The following NRG3 variants were observed in gnomAD, a reference collection of about 807,000 sequenced individuals.
NRG3 encodes pro-neuregulin-3, membrane-bound isoform.
NRG3 carries 31 observed loss-of-function variants against 66.9 expected under a neutral mutation model. The observed-to-expected ratio is 0.46, with a 90% CI of 0.35 to 0.63. NRG3 has a LOEUF of 0.63. Among genes scored for constraint, NRG3 ranks in the 20% least tolerant of loss-of-function variants. NRG3 has a pLI of 0.00. For missense variants in NRG3, 910 were observed against 878.9 expected, an observed-to-expected ratio of 1.04 and a Z score of -0.45; for synonymous variants, 393 against 359.4, an observed-to-expected ratio of 1.09 and a Z score of -1.06.
intron 2 of NRG3, among the ~76,000 whole-genome samples, chr10:82,564,538 G>A (rs1359856963): frequency 1.3e-5 from 2 of 152,066 alleles, no homozygotes; most frequent in African/African-American, 4.8e-5. Context: ...ATATGTGGTT[G>A]GGATAAAGTT....
intron 2 of NRG3, among the ~76,000 whole-genome samples, chr10:82,460,383 C>G (rs1287827288): frequency 6.6e-6 from 1 of 152,164 alleles, no homozygotes; most frequent in Non-Finnish European, 1.5e-5. Context: ...TTATGACTTA[C>G]AAATCATGTC....
In NRG3 at chr10:82,733,702, G is replaced by A. The variant is rs11195756; in HGVS notation, c.954-4875G>A. 3.1e-3 allele frequency among the ~76,000 whole-genome samples: 471 copies of A among 152,322 alleles called. 2 individuals carry two copies. Among genetic ancestry groups the A allele is most frequent in the African/African-American group, 0.011 (445 of 41,582 alleles). On this transcript the variant is annotated intron_variant, in intron 2 of 8. Transcript: ENST00000372141. Reference sequence around the variant, plus strand: ...CAGTTCTCTCAATAGAACCATGTTAGTGTTGCTTGTTTTTGTATCTGTCTT... The same window carrying A: ...CAGTTCTCTCAATAGAACCATGTTAATGTTGCTTGTTTTTGTATCTGTCTT...
intron 1 of NRG3, among the ~76,000 whole-genome samples, chr10:82,096,619 AGAC>A (rs2066365333): frequency 6.6e-6 from 1 of 152,222 alleles, no homozygotes. Context: ...AAAATATTGA[AGAC>A]TAAGATAATA....
intron 1 of NRG3, among the ~76,000 whole-genome samples, chr10:82,278,561 A>G (rs755646652): frequency 2.6e-5 from 4 of 152,112 alleles, no homozygotes; most frequent in Non-Finnish European, 4.4e-5. Context: ...GGTTCGTGCA[A>G]ACAGAATTGA....
At chr10:82,368,528 C>T (rs1471250555) in intron 2 of NRG3, among the ~76,000 whole-genome samples, 1 of 137,420 alleles carries the variant, frequency 7.3e-6, no homozygotes, top group Non-Finnish European at 1.5e-5. Context: ...ATGGGAAAAA[C>T]ACTCCTTACC....
chr10:82,288,465 C>T (rs1298658881), intron 1 of NRG3, among the ~76,000 whole-genome samples: 1 of 152,100 alleles, frequency 6.6e-6, no homozygotes, highest in Non-Finnish European at 1.5e-5. Context: ...CACTGAGGCT[C>T]AGGCAGTAGG....
At chr10:82,934,231 T>C (rs1022003898) in intron 4 of NRG3, among the ~76,000 whole-genome samples, 2 of 152,232 alleles carry the variant, frequency 1.3e-5, no homozygotes, top group African/African-American at 2.4e-5. Flanking sequence ...CTGGGTACAA[T>C]TGCTGTCACA....
chr10:82,207,886 A>T (rs2075202864), intron 1 of NRG3, among the ~76,000 whole-genome samples: 1 of 152,042 alleles, frequency 6.6e-6, no homozygotes, highest in Non-Finnish European at 1.5e-5. Flanking sequence ...GACAGTGGGG[A>T]TTATGGGGAT....
At chr10:82,368,302 CAG>C (rs1415277073) in intron 2 of NRG3, among the ~76,000 whole-genome samples, 1 of 138,196 alleles carries the variant, frequency 7.2e-6, no homozygotes, top group Admixed American at 6.8e-5. Flanking sequence ...GAGTCTTGTG[CAG>C]AGAGTTCAAT....
At chr10:82,630,749 T>C (rs532028468) in intron 2 of NRG3, among the ~76,000 whole-genome samples, 45 of 152,304 alleles carry the variant, frequency 3.0e-4, no homozygotes, top group African/African-American at 1.1e-3. Context: ...ATCTAGACTA[T>C]TTCTCTTGGT....
In NRG3 at chr10:82,806,741, T is replaced by C. The variant is rs557557488; in HGVS notation, c.1028-58670T>C. 2.0e-4 allele frequency among the ~76,000 whole-genome samples: 30 copies of C among 152,294 alleles called. No individual in the cohort carries two copies. In the South Asian group the frequency reaches 6.0e-3, roughly 30 times the overall value. ...AACCAGATACGTAGAGAAGATGATGTAGATGACAGTCTGATGGGGGTACTG... is the reference window on the plus strand; with the variant it reads ...AACCAGATACGTAGAGAAGATGATGCAGATGACAGTCTGATGGGGGTACTG... On this transcript the variant is annotated intron_variant, in intron 3 of 8. Transcript: ENST00000372141.
intron 1 of NRG3, among the ~76,000 whole-genome samples, chr10:82,279,246 TCC>T (rs1218806113): frequency 3.3e-5 from 5 of 152,164 alleles, no homozygotes; most frequent in Non-Finnish European, 7.3e-5. Flanking sequence ...GAGGGAAGTA[TCC>T]CCTGGCCTTG....
chr10:82,533,785 G>A (rs1236940935), intron 2 of NRG3, among the ~76,000 whole-genome samples: 3 of 152,110 alleles, frequency 2.0e-5, no homozygotes, highest in Non-Finnish European at 4.4e-5. Flanking sequence ...CAAACAGGAA[G>A]GGAAGATGTA....
intron 1 of NRG3, among the ~76,000 whole-genome samples, chr10:82,096,026 C>T (rs989149648): frequency 6.6e-6 from 1 of 152,062 alleles, no homozygotes; most frequent in African/African-American, 2.4e-5. Flanking sequence ...AAAATCTGGA[C>T]AGCATTGGCA....
intron 2 of NRG3, among the ~76,000 whole-genome samples, chr10:82,488,400 G>A (rs1284417588): frequency 6.6e-6 from 1 of 152,152 alleles, no homozygotes; most frequent in Non-Finnish European, 1.5e-5. Flanking sequence ...CTCCAAAACT[G>A]CAAGTAAAAT....
intron 1 of NRG3, among the ~76,000 whole-genome samples, chr10:82,046,111 A>G (rs1346574707): frequency 7.0e-6 from 1 of 142,998 alleles, no homozygotes; most frequent in Non-Finnish European, 1.5e-5. Flanking sequence ...GAAGAAAGTC[A>G]TTGGTAGCTT....
chr10:82,693,139 A>G (rs1293400195), intron 2 of NRG3, among the ~76,000 whole-genome samples: 2 of 152,120 alleles, frequency 1.3e-5, no homozygotes, highest in Non-Finnish European at 2.9e-5. Context: ...GCCACATTCT[A>G]CTTTGTCCAA....
rs1424718611 is a variant in NRG3, at chr10:82,843,352, T to C, written c.1028-22059T>C. 1.8e-5 allele frequency: 7 copies of C among 391,034 alleles called. No homozygotes were observed. The East Asian group carries it at 5.1e-4, about 29-fold the overall frequency. 24.2% of individuals were successfully genotyped at this position (391,034 alleles called of 1,614,324 possible). A position where few individuals can be genotyped will look rare whatever the true frequency, so the allele number is the denominator to read the frequency against. Reference sequence around the variant, plus strand: ...TCTCTCTGATCCTCTCTGCCCTTCCTTCCATCATGGACTGATGAGCAGGAA... The same window carrying C: ...TCTCTCTGATCCTCTCTGCCCTTCCCTCCATCATGGACTGATGAGCAGGAA... On this transcript the variant is annotated intron_variant, in intron 3 of 8. Coordinates refer to ENST00000372141, the MANE Select transcript of NRG3 (RefSeq NM_001010848.4).
Position 81,875,692 on chromosome 10 carries a change from C to G in NRG3, c.352C>G (p.Pro118Ala). The G allele has an allele frequency of 6.2e-7, 1 of 1,613,922 alleles. No individual in the cohort carries two copies. The highest frequency in any genetic ancestry group is 8.5e-7 in the Non-Finnish European group (1 of 1,179,980). ...MGQDPFFLSK[P>A]SSFPKAMETT... ...CCAGGACCCCTTCTTCCTCTCCAAG[C>G]CCAGCTCTTTCCCCAAGGCCATGGA... Residue 118 changes from proline (P) to alanine (A), a missense_variant, in exon 1 of 9, where the codon CCC becomes GCC. Coordinates refer to ENST00000372141, the MANE Select transcript of NRG3 (RefSeq NM_001010848.4). This position sits in a 1 kb window ranked among gnomAD's most constrained non-coding sequence, Gnocchi z 5.3.
Sources: gnomAD v4.1 joint callset for allele counts (sites outside exome capture counted in the v4.1 genomes callset) on GRCh38, gnomAD v4.1.1 for gene constraint, Gnocchi (gnomAD v3.1) non-coding constraint, MANE v1.5 for transcripts, NCBI Gene and HGNC (gene_info 2026-07-23, HGNC 2026-07-21) for gene names.